The following PCDHA3 variants were observed in gnomAD, a reference collection of about 807,000 sequenced individuals.
The protein encoded by PCDHA3 is protocadherin alpha-3.
PCDHA3 carries 41 observed loss-of-function variants against 62.2 expected under a neutral mutation model. That is an observed-to-expected ratio of 0.66 (90% confidence interval 0.51 to 0.86). PCDHA3 has a LOEUF of 0.86. PCDHA3 is among the 40% of genes least tolerant of loss of function. PCDHA3 has a pLI of 0.00. For missense variants in PCDHA3, 1,304 were observed against 1,241.2 expected (o/e 1.05, Z -0.76); for synonymous variants, 640 against 555.4 (o/e 1.15, Z -2.14).
chr5:140,983,308 T>C (rs2153831139), intron 3 of PCDHA3, among the ~76,000 whole-genome samples: 1 of 152,322 alleles, frequency 6.6e-6, no homozygotes, highest in East Asian at 1.9e-4. Context: ...CACATTTGCT[T>C]GGTATCCTTA....
chr5:140,801,138 G>C lies in PCDHA3; in HGVS notation c.-60G>C. The C allele has an allele frequency of 6.6e-7, 1 of 1,525,294 alleles. No homozygotes were observed. Among genetic ancestry groups the C allele is most frequent in the African/African-American group, 1.4e-5 (1 of 71,896 alleles). The allele number at this position is 1,525,294 out of a possible 1,614,324, so 94.5% of individuals were successfully genotyped here. A position where few individuals can be genotyped will look rare whatever the true frequency, so the allele number is the denominator to read the frequency against. On this transcript the variant is annotated 5_prime_UTR_variant, in exon 1 of 4. Coordinates refer to ENST00000522353, the MANE Select transcript of PCDHA3 (RefSeq NM_018906.3). ...TTTAAGAAATGAAGATAAGGAACTCGAATTATTTTTAAACTTTGGATCAAT... is the reference window on the plus strand; with the variant it reads ...TTTAAGAAATGAAGATAAGGAACTCCAATTATTTTTAAACTTTGGATCAAT...
chr5:140,801,284 C>T lies in PCDHA3; in HGVS notation c.87C>T (p.Gly29=), dbSNP rs533577285. ...TCGCAGCCTCGGAGGTGGGGAGCGG[C>T]CAGCTCCACTACTCCGTCTCTGAGG... The part of the protein sequence containing the change: ...LLLAASEVGS[G]QLHYSVSEEA... The change falls in exon 1 of 4, where the codon GGC becomes GGT. Residue 29 remains glycine, a synonymous_variant. Transcript: ENST00000522353. 1 of 1,613,564 alleles carries T rather than the reference C, an allele frequency of 6.2e-7. No homozygotes were observed. The highest frequency in any genetic ancestry group is 8.5e-7 in the Non-Finnish European group (1 of 1,179,906).
intron 1 of PCDHA3, chr5:140,851,484 A>G: frequency 2.2e-6 from 2 of 889,574 alleles, no homozygotes; most frequent in Non-Finnish European, 2.7e-6. Context: ...TTATAAACAC[A>G]GCCTTCATTT....
chr5:141,002,923 C>T (rs1261794185), intron 3 of PCDHA3, among the ~76,000 whole-genome samples: 6 of 152,220 alleles, frequency 3.9e-5, no homozygotes, highest in African/African-American at 1.2e-4. Flanking sequence ...AAAGTGAACA[C>T]CCTCCAACAC....
In PCDHA3 at chr5:140,849,670, A is replaced by G. The variant is rs2150444272; in HGVS notation, c.2394+46079A>G. On this transcript the variant is annotated intron_variant, in intron 1 of 3. Coordinates refer to ENST00000522353, the MANE Select transcript of PCDHA3 (RefSeq NM_018906.3). The stretch of plus-strand genomic sequence containing the variant: ...CAGGTTACCTGCTCCCTGACGCCCC[A>G]CGTCCCCTTCAAGCTGGTGTCCACC... The G allele has an allele frequency of 1.7e-5, 27 of 1,598,602 alleles. 2 individuals carry two copies. The highest frequency in any genetic ancestry group is 9.9e-5 in the South Asian group (9 of 90,546).
intron 1 of PCDHA3, among the ~76,000 whole-genome samples, chr5:140,913,380 T>C (rs1436602497): frequency 6.6e-6 from 1 of 152,226 alleles, no homozygotes; most frequent in Non-Finnish European, 1.5e-5. Context: ...ATATAGTGGC[T>C]CATCATAGCC....
At chr5:140,852,794 G>A (rs2042475674) in intron 1 of PCDHA3, 1 of 976,830 alleles carries the variant, frequency 1.0e-6, no homozygotes, top group South Asian at 4.8e-5. Flanking sequence ...GGATGCTACA[G>A]ATGTCATTTG....
At chr5:140,959,719 A>G (rs986383146) in intron 1 of PCDHA3, among the ~76,000 whole-genome samples, 4 of 152,366 alleles carry the variant, frequency 2.6e-5, no homozygotes, top group African/African-American at 9.6e-5. Context: ...AAATTTTTAG[A>G]TAACATTATC....
At chr5:140,906,766 C>T (rs1162031965) in intron 1 of PCDHA3, among the ~76,000 whole-genome samples, 1 of 152,224 alleles carries the variant, frequency 6.6e-6, no homozygotes, top group African/African-American at 2.4e-5. Flanking sequence ...TACTAAGAGA[C>T]ACCCTAAGGG....
Position 140,961,453 on chromosome 5 carries a change from C to A in PCDHA3, c.2395-17496C>A, listed in dbSNP as rs138800149. On this transcript the variant is annotated intron_variant, in intron 1 of 3. Transcript: ENST00000522353. ...AAAATCACCTAACTACACTGTCTTG[C>A]AGCTGCCTTTCTTTTTTTGTCTTGT... Among the ~76,000 whole-genome samples the A allele has an allele frequency of 2.6e-3, 401 of 152,318 alleles. 1 individual carries two copies. The highest frequency in any genetic ancestry group is 9.2e-3 in the African/African-American group (384 of 41,574).
intron 1 of PCDHA3, among the ~76,000 whole-genome samples, chr5:140,955,553 C>A (rs782183120): frequency 2.6e-5 from 4 of 152,088 alleles, no homozygotes; most frequent in Non-Finnish European, 5.9e-5. Flanking sequence ...TGAGGCCTCC[C>A]CAGCCATACT....
At chr5:140,865,309 T>C (rs1554159355) in intron 1 of PCDHA3, 1 of 152,176 alleles carries the variant, frequency 6.6e-6, no homozygotes, top group Non-Finnish European at 1.5e-5. Flanking sequence ...TAATTACAAA[T>C]GAGATGGCCT....
chr5:140,958,900 C>T (rs246008), intron 1 of PCDHA3, among the ~76,000 whole-genome samples: 85,461 of 151,702 alleles, frequency 0.56, 24,676 homozygotes, highest in African/African-American at 0.69. Flanking sequence ...ATAATAGATA[C>T]AGAAAAGTCT....
chr5:140,887,801 G>T (rs1377550372), intron 1 of PCDHA3, among the ~76,000 whole-genome samples: 1 of 151,856 alleles, frequency 6.6e-6, no homozygotes, highest in Non-Finnish European at 1.5e-5. Context: ...CTTTATTTTT[G>T]TCCATTTCTT....
At chr5:140,965,496 ATTTTTT>A (rs71766133) in intron 1 of PCDHA3, among the ~76,000 whole-genome samples, 2 of 146,442 alleles carry the variant, frequency 1.4e-5, no homozygotes, top group African/African-American at 2.5e-5. Flanking sequence ...ATGACAGCAG[ATTTTTT>A]TTTTTTTTTA....
intron 1 of PCDHA3, among the ~76,000 whole-genome samples, chr5:140,951,495 G>A (rs1554219919): frequency 1.3e-5 from 2 of 151,958 alleles, no homozygotes; most frequent in African/African-American, 4.8e-5. Context: ...ATGGTGGAAG[G>A]CAAAAGGAAA....
Position 140,802,787 on chromosome 5 carries a change from G to A in PCDHA3, c.1590G>A (p.Leu530=), listed in dbSNP as rs1554122364. 6.2e-7 allele frequency: 1 copy of A among 1,613,358 alleles called. No individual in the cohort carries two copies. Among genetic ancestry groups the A allele is most frequent in the Non-Finnish European group, 8.5e-7 (1 of 1,179,916 alleles). The change falls in exon 1 of 4, where the codon CTG becomes CTA. Residue 530 remains leucine, a synonymous_variant. Transcript: ENST00000522353. ...CGCTGGACCACGAGGAGCTAGAGCTGCTGCAGTTCCAGGTGAGTGCGCGCG... is the reference window on the plus strand; with the variant it reads ...CGCTGGACCACGAGGAGCTAGAGCTACTGCAGTTCCAGGTGAGTGCGCGCG... ...LQPLDHEELE[L]LQFQVSARDA...
rs782180138 is a variant in PCDHA3, at chr5:140,856,292, A to G, written c.2394+52701A>G. 5 of 1,598,490 alleles carry G rather than the reference A, an allele frequency of 3.1e-6. 1 individual carries two copies. The stretch of plus-strand genomic sequence containing the variant: ...TCTGGAGGTAAATCTGCAGAATGGC[A>G]TTTTGTTTGTGAATTCTCGGATTGA... On this transcript the variant is annotated intron_variant, in intron 1 of 3. Transcript: ENST00000522353.
chr5:140,938,268 T>C (rs2091998417), intron 1 of PCDHA3, among the ~76,000 whole-genome samples: 1 of 152,190 alleles, frequency 6.6e-6, no homozygotes, highest in Non-Finnish European at 1.5e-5. Context: ...TCTAATCACA[T>C]AGTTTTCTTG....
Sources: gnomAD v4.1 joint callset for allele counts (sites outside exome capture counted in the v4.1 genomes callset) on GRCh38, gnomAD v4.1.1 for gene constraint, MANE v1.5 for transcripts, NCBI Gene and HGNC (gene_info 2026-07-23, HGNC 2026-07-21) for gene names.